Variants in SHC4 observed in about 807,000 individuals in gnomAD.
The protein encoded by SHC4 is SHC adaptor protein 4.
Under a neutral mutation model 69.4 loss-of-function variants are expected in SHC4, and 41 were observed. That is an observed-to-expected ratio of 0.59 (90% CI 0.46 to 0.77). The LOEUF is 0.77. Ranked by LOEUF, SHC4 falls within the 30% of genes least tolerant of loss-of-function variation. The pLI is 0.00. For missense variants in SHC4, 777 were observed against 783.8 expected, an observed-to-expected ratio of 0.99 and a Z score of 0.10; for synonymous variants, 318 against 299.3, an observed-to-expected ratio of 1.06 and a Z score of -0.64.
intron 2 of SHC4, among the ~76,000 whole-genome samples, chr15:48,912,214 C>T (rs1466221342): frequency 6.6e-6 from 1 of 152,156 alleles, no homozygotes; most frequent in African/African-American, 2.4e-5. Context: ...TCCTCAGGAA[C>T]ACCAATTATT....
chr15:48,932,756 T>A (rs1215411558), intron 1 of SHC4, among the ~76,000 whole-genome samples: 1 of 152,188 alleles, frequency 6.6e-6, no homozygotes, highest in Non-Finnish European at 1.5e-5. Context: ...TATGAACTTC[T>A]AGCAGACCTT....
chr15:48,941,413 C>T (rs972191515), intron 1 of SHC4, among the ~76,000 whole-genome samples: 4 of 152,184 alleles, frequency 2.6e-5, no homozygotes, highest in Admixed American at 6.5e-5. Flanking sequence ...GGCAGTGAAC[C>T]GGTAAGCATA....
intron 1 of SHC4, among the ~76,000 whole-genome samples, chr15:48,936,296 G>A (rs1219224200): frequency 6.6e-6 from 1 of 152,194 alleles, no homozygotes; most frequent in Non-Finnish European, 1.5e-5. Context: ...TAAGTCATTA[G>A]TCATTATAAC....
intron 2 of SHC4, among the ~76,000 whole-genome samples, chr15:48,896,250 C>G (rs1288383112): frequency 7.5e-6 from 1 of 133,882 alleles, no homozygotes; most frequent in African/African-American, 2.7e-5. Flanking sequence ...CTCTCTCTTT[C>G]TCTCTCTCTC....
chr15:48,832,566 C>T (rs1287972595), intron 11 of SHC4, among the ~76,000 whole-genome samples: 1 of 152,106 alleles, frequency 6.6e-6, no homozygotes, highest in Non-Finnish European at 1.5e-5. Flanking sequence ...GATGTTCATT[C>T]TCATCACTTA....
intron 9 of SHC4, among the ~76,000 whole-genome samples, chr15:48,843,818 T>C (rs1043887661): frequency 6.6e-6 from 1 of 152,148 alleles, no homozygotes; most frequent in African/African-American, 2.4e-5. Flanking sequence ...AGCCCTCAGC[T>C]GACCAATTGC....
At position 48,962,999 on chromosome 15, in the gene SHC4, T is replaced by C. The variant is rs1360612842; in HGVS notation, c.17A>G (p.Gln6Arg). The C allele has an allele frequency of 6.2e-7, 1 of 1,608,358 alleles. No individual in the cohort carries two copies. Among genetic ancestry groups the C allele is most frequent in the Non-Finnish European group, 8.5e-7 (1 of 1,177,032 alleles). The change falls in exon 1 of 12, where the codon CAG (glutamine) becomes CGG (arginine). Residue 6 changes from glutamine (Q) to arginine (R), a missense_variant. Physicochemically the swap from Gln to Arg is conservative, Grantham distance 43. Transcript: ENST00000332408. MRERG[Q>R]DSLAGLVLYV... ...CAGCACGAGTCCTGCCAGGCTGTCC[T>C]GGCCGCGTTCTCGCATAGCCTTGGC...
chr15:48,910,747 G>A (rs1460594709), intron 2 of SHC4, among the ~76,000 whole-genome samples: 1 of 151,988 alleles, frequency 6.6e-6, no homozygotes, highest in South Asian at 2.1e-4. Context: ...TATCCCAGAG[G>A]TTTTGATAGA....
intron 1 of SHC4, among the ~76,000 whole-genome samples, chr15:48,952,042 A>C (rs1265122526): frequency 6.6e-6 from 1 of 152,138 alleles, no homozygotes; most frequent in Non-Finnish European, 1.5e-5. Context: ...CTCACCATGA[A>C]ACAGAACTTT....
intron 11 of SHC4, among the ~76,000 whole-genome samples, chr15:48,833,284 G>A (rs1324712284): frequency 6.6e-6 from 1 of 152,092 alleles, no homozygotes; most frequent in Non-Finnish European, 1.5e-5. Flanking sequence ...CAATTACAGA[G>A]GTTTGCCAGT....
intron 6 of SHC4, 42 bp from the exon 7 acceptor site, chr15:48,857,857 T>G: frequency 7.0e-7 from 1 of 1,434,552 alleles, no homozygotes; most frequent in Non-Finnish European, 9.2e-7. Flanking sequence ...AATAAATTTT[T>G]AGAAAGAGAA....
chr15:48,896,087 C>CA (rs1418542434), intron 2 of SHC4, among the ~76,000 whole-genome samples: 4 of 151,444 alleles, frequency 2.6e-5, no homozygotes, highest in African/African-American at 7.3e-5. Flanking sequence ...GATCCTGTCT[C>CA]AAAAAAAATA....
chr15:48,927,811 T>C (rs1900882800), intron 1 of SHC4, among the ~76,000 whole-genome samples: 1 of 152,196 alleles, frequency 6.6e-6, no homozygotes, highest in Non-Finnish European at 1.5e-5. Context: ...ATGACACACC[T>C]CAGAGGCCCC....
At chr15:48,871,747 T>C (rs1899682007) in intron 5 of SHC4, among the ~76,000 whole-genome samples, 2 of 152,186 alleles carry the variant, frequency 1.3e-5, no homozygotes, top group Admixed American at 1.3e-4. Context: ...TAAGGAAGGA[T>C]TGAGCAACAC....
At chr15:48,875,952 T>C (rs767772839) in intron 4 of SHC4, among the ~76,000 whole-genome samples, 1 of 152,232 alleles carries the variant, frequency 6.6e-6, no homozygotes. Flanking sequence ...TGTGCAGCTC[T>C]GTGAGGAGAT....
intron 1 of SHC4, 67 bp downstream of exon 1, chr15:48,962,364 G>C: frequency 6.8e-7 from 1 of 1,464,790 alleles, no homozygotes; most frequent in Admixed American, 2.4e-5. Context: ...TAGACCCCTT[G>C]CAGAAAGCAG....
rs1195861197 is a variant in SHC4 at position 48,886,564 on chromosome 15, G to A, written c.721-2197C>T. On this transcript the variant is annotated intron_variant, in intron 3 of 11. Transcript: ENST00000332408. ...CAGGTTTGATCCTAACTTGTCAAGG[G>A]ACCTTAGACAACTCCGGAACCCCCT... Among the ~76,000 whole-genome samples the A allele has an allele frequency of 3.9e-5, 6 of 152,088 alleles. No homozygotes were observed. In the East Asian group the frequency reaches 1.2e-3, roughly 29 times the overall value.
intron 11 of SHC4, 84 bp downstream of exon 11, chr15:48,834,685 T>G: frequency 6.4e-7 from 1 of 1,555,356 alleles, no homozygotes; most frequent in Non-Finnish European, 8.7e-7. Context: ...TTGAGCACTA[T>G]TCAATACCAG....
intron 7 of SHC4, among the ~76,000 whole-genome samples, 194 bp from the exon 8 acceptor site, chr15:48,856,318 CA>C (rs1465696647): frequency 1.3e-5 from 2 of 152,082 alleles, no homozygotes; most frequent in African/African-American, 4.8e-5. Flanking sequence ...TTTCTGTAGA[CA>C]AAACGGGGTA....
Sources: allele counts gnomAD v4.1 joint callset (sites outside exome capture counted in the v4.1 genomes callset), GRCh38; gene constraint gnomAD v4.1.1; transcripts MANE v1.5; gene names NCBI Gene and HGNC (gene_info 2026-07-23, HGNC 2026-07-21).